Variants in ADISSP observed in about 807,000 individuals in gnomAD.
ADISSP encodes adipose secreted signaling protein.
At chr20:3,766,797 G>A in the ADISSP span, among the ~76,000 whole-genome samples, 1 of 152,204 alleles carries the variant, frequency 6.6e-6, no homozygotes, top group African/African-American at 2.4e-5. Context: ...ATGGGAGAGG[G>A]ATGGGGTGCT....
the ADISSP span, chr20:3,754,393 T>C: frequency 6.2e-7 from 1 of 1,605,894 alleles, no homozygotes; most frequent in African/African-American, 1.3e-5. Context: ...CCTCACGCTC[T>C]CACCCATGAC....
the ADISSP span, chr20:3,758,617 G>A: frequency 6.2e-7 from 1 of 1,614,038 alleles, no homozygotes; most frequent in Non-Finnish European, 8.5e-7. The surrounding 1 kb of genome is among the most constrained non-coding windows in gnomAD (Gnocchi z 5.5). Context: ...GGACGTGGCT[G>A]TGGGATCCTT....
the ADISSP span, chr20:3,759,928 T>G: frequency 7.7e-7 from 1 of 1,292,220 alleles, no homozygotes; most frequent in Admixed American, 1.7e-5. This position sits in a 1 kb window ranked among gnomAD's most constrained non-coding sequence, Gnocchi z 4.6. Flanking sequence ...AACACTGACA[T>G]AGTCCCAATC....
the ADISSP span, chr20:3,755,513 G>C: frequency 6.2e-7 from 1 of 1,613,168 alleles, no homozygotes; most frequent in African/African-American, 1.3e-5. Context: ...GTGCAGGCTG[G>C]GGACAGGTGC....
At chr20:3,763,255 C>CAA in the ADISSP span, among the ~76,000 whole-genome samples, 3,725 of 48,650 alleles carry the variant, frequency 0.077, 325 homozygotes, top group African/African-American at 0.21. Context: ...GACTCTGTCT[C>CAA]AAAAAAAAAA....
chr20:3,764,831 A>G, the ADISSP span, among the ~76,000 whole-genome samples: 1 of 152,248 alleles, frequency 6.6e-6, no homozygotes, highest in African/African-American at 2.4e-5. Flanking sequence ...GGGGGCTCTG[A>G]GGAAGCAGAA....
the ADISSP span, chr20:3,760,009 G>A: frequency 6.2e-7 from 1 of 1,609,152 alleles, no homozygotes; most frequent in Non-Finnish European, 8.5e-7. Context: ...GGCCCTACCT[G>A]CAGCAATGGC....
the ADISSP span, chr20:3,758,480 A>T: frequency 6.4e-7 from 1 of 1,566,618 alleles, no homozygotes; most frequent in Non-Finnish European, 8.7e-7. The surrounding 1 kb of genome is among the most constrained non-coding windows in gnomAD (Gnocchi z 5.5). Flanking sequence ...GGCACCCAGA[A>T]GCCAGGCAGA....
At chr20:3,754,665 CCA>C in the ADISSP span, 1 of 797,936 alleles carries the variant, frequency 1.3e-6, no homozygotes, top group Non-Finnish European at 2.0e-6. Context: ...CTTCTGGAGC[CCA>C]GAGACCCATT....
the ADISSP span, among the ~76,000 whole-genome samples, chr20:3,757,774 G>T: frequency 6.6e-6 from 1 of 152,052 alleles, no homozygotes; most frequent in East Asian, 1.9e-4. Context: ...GACTACAGGC[G>T]TGCGCCACCA....
chr20:3,760,083 C>T, the ADISSP span: 10 of 1,612,756 alleles, frequency 6.2e-6, no homozygotes, highest in African/African-American at 5.3e-5. Flanking sequence ...GGCACTTACC[C>T]TTGTTGGCTG....
At chr20:3,758,762 T>C in the ADISSP span, 2 of 1,301,004 alleles carry the variant, frequency 1.5e-6, no homozygotes, top group Non-Finnish European at 2.2e-6. This position sits in a 1 kb window ranked among gnomAD's most constrained non-coding sequence, Gnocchi z 5.5. Flanking sequence ...CCCCCAAGAC[T>C]GCCCTTGACA....
the ADISSP span, among the ~76,000 whole-genome samples, chr20:3,759,047 T>A: frequency 5.3e-5 from 8 of 152,164 alleles, no homozygotes; most frequent in South Asian, 2.1e-4. The surrounding 1 kb of genome is among the most constrained non-coding windows in gnomAD (Gnocchi z 4.6). Flanking sequence ...CCCAGTGCTC[T>A]CCTTCACAGT....
the ADISSP span, chr20:3,753,762 T>G: frequency 4.5e-5 from 20 of 444,814 alleles, no homozygotes; most frequent in Non-Finnish European, 5.8e-5. Flanking sequence ...GGGTGGGGAG[T>G]GGGGGACCCA....
the ADISSP span, chr20:3,758,669 G>A: frequency 6.2e-7 from 1 of 1,614,008 alleles, no homozygotes; most frequent in South Asian, 1.1e-5. The surrounding 1 kb of genome is among the most constrained non-coding windows in gnomAD (Gnocchi z 5.5). Context: ...CCGGACTCTG[G>A]GCTTGTTGCC....
chr20:3,754,946 G>A, the ADISSP span, among the ~76,000 whole-genome samples: 1 of 152,320 alleles, frequency 6.6e-6, no homozygotes, highest in Middle Eastern at 3.4e-3. Context: ...TGAAGGGCAA[G>A]GTCATGAAGA....
the ADISSP span, chr20:3,758,808 C>A: frequency 2.4e-6 from 2 of 817,714 alleles, no homozygotes; most frequent in South Asian, 3.6e-5. The surrounding 1 kb of genome is among the most constrained non-coding windows in gnomAD (Gnocchi z 5.5). Flanking sequence ...CTTTTCAGGG[C>A]TAGATGGACA....
the ADISSP span, among the ~76,000 whole-genome samples, chr20:3,762,521 C>A: frequency 6.6e-6 from 1 of 152,152 alleles, no homozygotes; most frequent in African/African-American, 2.4e-5. Flanking sequence ...CAGCCACGCA[C>A]CACCATGCCC....
chr20:3,755,488 G>A, the ADISSP span: 43 of 1,611,988 alleles, frequency 2.7e-5, no homozygotes, highest in East Asian at 4.5e-5. Flanking sequence ...CGGGCACCAC[G>A]CTGAGGAGCT....
Sources: gnomAD v4.1 joint callset for allele counts (sites outside exome capture counted in the v4.1 genomes callset) on GRCh38, gnomAD v4.1.1 for gene constraint, Gnocchi (gnomAD v3.1) non-coding constraint, MANE v1.5 for transcripts, NCBI Gene and HGNC (gene_info 2026-07-23, HGNC 2026-07-21) for gene names.